Variants in CREB5 observed in about 807,000 individuals in gnomAD.
The protein encoded by CREB5 is cAMP responsive element binding protein 5, also known as cyclic AMP-responsive element-binding protein 5.
A neutral mutation model predicts 57.1 loss-of-function variants in CREB5; 19 were observed. That is an observed-to-expected ratio of 0.33 (90% CI 0.23 to 0.49). The LOEUF (loss-of-function observed/expected upper bound fraction) is 0.49. Among genes scored for constraint, CREB5 ranks in the 20% least tolerant of loss-of-function variants. The pLI, the probability that CREB5 is intolerant of heterozygous loss-of-function variation, is 0.99. For synonymous variants in CREB5, 238 were observed against 238.3 expected (o/e 1.00, Z 0.01); for missense variants, 579 against 671.6 (o/e 0.86, Z 1.52).
chr7:28,538,013 T>C (rs371867371), intron 4 of CREB5, among the ~76,000 whole-genome samples: 1 of 152,080 alleles, frequency 6.6e-6, no homozygotes, highest in East Asian at 1.9e-4. Context: ...CCATGGTTTC[T>C]TAACTATGGT....
intron 1 of CREB5, among the ~76,000 whole-genome samples, chr7:28,344,960 A>C (rs1449731729): frequency 1.3e-5 from 2 of 152,232 alleles, no homozygotes; most frequent in Non-Finnish European, 2.9e-5. Flanking sequence ...TAGAAGACAT[A>C]ATAATTGTAA....
Position 28,608,587 on chromosome 7 carries a change from C to T in CREB5, c.464+38050C>T, listed in dbSNP as rs1797261906. Among the ~76,000 whole-genome samples the T allele has an allele frequency of 2.0e-5, 3 of 152,236 alleles. No individual in the cohort carries two copies. In the South Asian group the frequency reaches 6.2e-4, roughly 32 times the overall value. ...ACCCTTCCACCCTCCTCCCAATCTC[C>T]CTCCCCACCAGCACAGCACATTGAA... On this transcript the variant is annotated intron_variant, in intron 5 of 10. Transcript: ENST00000357727.
intron 1 of CREB5, among the ~76,000 whole-genome samples, chr7:28,330,534 G>A (rs962114990): frequency 6.7e-6 from 1 of 149,870 alleles, no homozygotes; most frequent in African/African-American, 2.5e-5. Context: ...AAGTAATAGA[G>A]TGACTTATCT....
At chr7:28,351,925 C>A (rs1786195898) in intron 1 of CREB5, among the ~76,000 whole-genome samples, 1 of 152,058 alleles carries the variant, frequency 6.6e-6, no homozygotes, top group South Asian at 2.1e-4. Flanking sequence ...ATAAATCAAG[C>A]AGTTTAGGAA....
At chr7:28,305,191 C>T (rs748248660) in intron 1 of CREB5, among the ~76,000 whole-genome samples, 1 of 152,318 alleles carries the variant, frequency 6.6e-6, no homozygotes, top group African/African-American at 2.4e-5. Context: ...CCCTGTTCTT[C>T]TGGGGCAGAA....
intron 7 of CREB5, among the ~76,000 whole-genome samples, chr7:28,739,843 G>A (rs721993): frequency 0.49 from 74,142 of 152,044 alleles, 18,663 homozygotes; most frequent in Middle Eastern, 0.56. Context: ...AAGTTTCACA[G>A]AGTTCTTACA....
chr7:28,376,993 C>T (rs1369514187), intron 1 of CREB5, among the ~76,000 whole-genome samples: 5 of 152,206 alleles, frequency 3.3e-5, no homozygotes, highest in Non-Finnish European at 5.9e-5. Flanking sequence ...AATTAACTAC[C>T]GGATTATCCA....
At chr7:28,609,210 T>C (rs1229743864) in intron 5 of CREB5, 1 of 152,222 alleles carries the variant, frequency 6.6e-6, no homozygotes, top group Non-Finnish European at 1.5e-5. Context: ...AAATTACTTT[T>C]TGAGAAACGT....
At chr7:28,331,659 G>A (rs1277412234) in intron 1 of CREB5, among the ~76,000 whole-genome samples, 1 of 151,978 alleles carries the variant, frequency 6.6e-6, no homozygotes, top group Admixed American at 6.6e-5. Context: ...AGACCAGCCT[G>A]GCCAACATAG....
chr7:28,651,477 C>T (rs776214175), intron 5 of CREB5, among the ~76,000 whole-genome samples: 3 of 152,168 alleles, frequency 2.0e-5, no homozygotes, highest in Non-Finnish European at 2.9e-5. Flanking sequence ...CGTGGTGGCT[C>T]ATGCCTGTAA....
chr7:28,377,806 C>G (rs1376413919), intron 1 of CREB5, among the ~76,000 whole-genome samples: 1 of 151,666 alleles, frequency 6.6e-6, no homozygotes, highest in Non-Finnish European at 1.5e-5. Context: ...GTGGCGGGCT[C>G]CTGTAGTCCC....
intron 5 of CREB5, among the ~76,000 whole-genome samples, chr7:28,602,488 C>T (rs902514383): frequency 3.3e-5 from 5 of 152,100 alleles, no homozygotes; most frequent in African/African-American, 1.2e-4. Flanking sequence ...CATATTTAAC[C>T]AAACTGTGGT....
intron 4 of CREB5, among the ~76,000 whole-genome samples, chr7:28,517,573 A>G (rs1046519432): frequency 1.3e-5 from 2 of 152,078 alleles, no homozygotes; most frequent in Non-Finnish European, 2.9e-5. Flanking sequence ...TCCCCCCTGA[A>G]TTACTGGTAC....
At chr7:28,574,409 C>T (rs1795826472) in intron 5 of CREB5, among the ~76,000 whole-genome samples, 1 of 152,058 alleles carries the variant, frequency 6.6e-6, no homozygotes, top group African/African-American at 2.4e-5. Flanking sequence ...AACACACTCT[C>T]TCTGTCTCTT....
At position 28,560,911 on chromosome 7, in the gene CREB5, T is replaced by TCC. The variant is rs1795171768; in HGVS notation, c.292-9454_292-9453insCC. Among the ~76,000 whole-genome samples, 2 of 36,056 alleles carry TCC rather than the reference T, an allele frequency of 5.5e-5. 1 individual carries two copies. The highest frequency in any genetic ancestry group is 4.9e-4 in the Admixed American group (2 of 4,058). The allele number at this position is 36,056 out of a possible 152,430, so 23.7% of individuals were successfully genotyped here. A position where few individuals can be genotyped will look rare whatever the true frequency, so the allele number is the denominator to read the frequency against. ...GCGTGTGTGTGCGTGCGCGCGTGCG[T>TCC]GTGCGTGTGTGCGCGTGCGTGTGTG... On this transcript the variant is annotated intron_variant, in intron 4 of 10. Coordinates refer to ENST00000357727, the MANE Select transcript of CREB5 (RefSeq NM_182898.4).
chr7:28,560,873 C>G lies in CREB5; in HGVS notation c.292-9492C>G, dbSNP rs13231132. On this transcript the variant is annotated intron_variant, in intron 4 of 10. Transcript: ENST00000357727. ...GTGTGTGTGTGCGTGTGCCTGCGTGCGCGTGCGTGCGTGCGTGTGTGTGCG... is the reference window on the plus strand; with the variant it reads ...GTGTGTGTGTGCGTGTGCCTGCGTGGGCGTGCGTGCGTGCGTGTGTGTGCG... 1.4e-4 allele frequency among the ~76,000 whole-genome samples: 3 copies of G among 22,100 alleles called. 1 individual carries two copies. The highest frequency in any genetic ancestry group is 6.2e-4 in the Admixed American group (1 of 1,604). 14.5% of individuals were successfully genotyped at this position (22,100 alleles called of 152,430 possible). A position where few individuals can be genotyped will look rare whatever the true frequency, so the allele number is the denominator to read the frequency against.
intron 5 of CREB5, among the ~76,000 whole-genome samples, chr7:28,611,049 C>A (rs1485748331): frequency 1.3e-5 from 2 of 151,680 alleles, no homozygotes; most frequent in Non-Finnish European, 2.9e-5. Flanking sequence ...ACTGTCTTTC[C>A]CTTATACTTA....
chr7:28,489,291 C>T (rs1250978394), intron 2 of CREB5, among the ~76,000 whole-genome samples: 1 of 129,058 alleles, frequency 7.7e-6, no homozygotes, highest in South Asian at 2.5e-4. Flanking sequence ...TCATTGAGGA[C>T]CCTTCTTTTT....
chr7:28,680,591 C>T (rs764414309), intron 5 of CREB5, among the ~76,000 whole-genome samples: 1 of 151,994 alleles, frequency 6.6e-6, no homozygotes. Context: ...GACTTTGTCT[C>T]TACAAAATGT....
Sources: allele counts gnomAD v4.1 joint callset (sites outside exome capture counted in the v4.1 genomes callset), GRCh38; gene constraint gnomAD v4.1.1; transcripts MANE v1.5; gene names NCBI Gene and HGNC (gene_info 2026-07-23, HGNC 2026-07-21).